The following MAP7 variants were observed in gnomAD, a reference collection of about 807,000 sequenced individuals.
The protein encoded by MAP7 is ensconsin.
MAP7 carries 52 observed loss-of-function variants against 94.8 expected under a neutral mutation model. That is an observed-to-expected ratio of 0.55 (90% confidence interval 0.44 to 0.69). The LOEUF (loss-of-function observed/expected upper bound fraction) is 0.69. Ranked by LOEUF, MAP7 falls within the 30% of genes least tolerant of loss-of-function variation. The pLI is 0.00. For missense variants in MAP7, 940 were observed against 964.6 expected (o/e 0.97, Z 0.34); for synonymous variants, 350 against 357.0 (o/e 0.98, Z 0.22).
chr6:136,421,256 A>C (rs1323870116), intron 2 of MAP7, among the ~76,000 whole-genome samples: 1 of 152,236 alleles, frequency 6.6e-6, no homozygotes, highest in Non-Finnish European at 1.5e-5. Flanking sequence ...ATGTGTAAAG[A>C]TTTCTTGAAA....
chr6:136,469,163 C>T (rs1808129833), intron 1 of MAP7, among the ~76,000 whole-genome samples: 2 of 152,226 alleles, frequency 1.3e-5, no homozygotes, highest in South Asian at 2.1e-4. Context: ...TTAAACTGTA[C>T]ACTGCACAGC....
At chr6:136,392,842 CTT>C (rs1267392134) in intron 3 of MAP7, among the ~76,000 whole-genome samples, 4 of 152,126 alleles carry the variant, frequency 2.6e-5, no homozygotes, top group African/African-American at 9.7e-5. Flanking sequence ...ACTACATAGT[CTT>C]TGAGTTTTAT....
intron 1 of MAP7, among the ~76,000 whole-genome samples, chr6:136,453,813 C>G (rs1801910202): frequency 6.6e-6 from 1 of 152,120 alleles, no homozygotes. Flanking sequence ...ATTTAAAAAG[C>G]AACTGAGTGC....
At chr6:136,525,097 G>A (rs1827455352) in intron 1 of MAP7, among the ~76,000 whole-genome samples, 1 of 152,192 alleles carries the variant, frequency 6.6e-6, no homozygotes, top group African/African-American at 2.4e-5. Flanking sequence ...GTGAGACAAT[G>A]CTGACAATGA....
chr6:136,420,342 C>G (rs1790907021), intron 2 of MAP7: 1 of 666,430 alleles, frequency 1.5e-6, no homozygotes. Flanking sequence ...CCCTGCGTGC[C>G]CAGCCCGGCC....
chr6:136,345,295 T>G (rs780193602), intron 17 of MAP7, among the ~76,000 whole-genome samples: 6 of 152,218 alleles, frequency 3.9e-5, no homozygotes, highest in Non-Finnish European at 7.3e-5. Flanking sequence ...AGTTAAGATC[T>G]TTAGACTCAG....
chr6:136,374,119 A>G (rs577253474), intron 7 of MAP7, among the ~76,000 whole-genome samples: 4 of 152,304 alleles, frequency 2.6e-5, no homozygotes, highest in African/African-American at 9.6e-5. Context: ...TTTCTTCAGG[A>G]CAAACTAAAA....
At chr6:136,379,664 G>A (rs568095730) in intron 6 of MAP7, among the ~76,000 whole-genome samples, 4 of 152,182 alleles carry the variant, frequency 2.6e-5, no homozygotes, top group Non-Finnish European at 5.9e-5. Context: ...AAAACTGTAC[G>A]ATGACTGTGG....
chr6:136,454,323 C>CTATCTATCTATCTATCTATCTATA (rs911885733), intron 1 of MAP7, among the ~76,000 whole-genome samples: 1 of 151,548 alleles, frequency 6.6e-6, no homozygotes, highest in African/African-American at 2.4e-5. Flanking sequence ...ATCTATCTAT[C>CTATCTATCTATCTATCTATCTATA]TGAGACAGGG....
intron 1 of MAP7, among the ~76,000 whole-genome samples, chr6:136,479,503 G>A (rs1210099104): frequency 6.6e-6 from 1 of 152,158 alleles, no homozygotes; most frequent in Non-Finnish European, 1.5e-5. Context: ...GGAAATCCTA[G>A]CTAGAGTAAT....
At position 136,493,121 on chromosome 6, in the gene MAP7, C is replaced by CTTTTTTTTT. The variant is rs397795796; in HGVS notation, c.67+57212_67+57220dup. On this transcript the variant is annotated intron_variant, in intron 1 of 17. Transcript: ENST00000354570. Reference sequence around the variant, plus strand: ...TTTTTTTGTGCTCTTTTCTTCTTTCCTTTTTTTTTTTTTTTTTTTGAGACG... The same window carrying CTTTTTTTTT: ...TTTTTTTGTGCTCTTTTCTTCTTTCCTTTTTTTTTTTTTTTTTTTTTTTTTTTTGAGACG... Among the ~76,000 whole-genome samples, 22 of 123,324 alleles carry CTTTTTTTTT rather than the reference C, an allele frequency of 1.8e-4. 1 individual carries two copies. Among genetic ancestry groups the CTTTTTTTTT allele is most frequent in the African/African-American group, 6.5e-4 (20 of 30,772 alleles). The allele number at this position is 123,324 out of a possible 152,430, so 80.9% of individuals were successfully genotyped here.
intron 7 of MAP7, among the ~76,000 whole-genome samples, chr6:136,377,167 A>T (rs1196244109): frequency 6.6e-6 from 1 of 152,214 alleles, no homozygotes; most frequent in Non-Finnish European, 1.5e-5. Flanking sequence ...AGTTATAACC[A>T]ATCATCATAA....
At chr6:136,365,413 G>T (rs2128581195) in intron 10 of MAP7, among the ~76,000 whole-genome samples, 1 of 152,284 alleles carries the variant, frequency 6.6e-6, no homozygotes, top group African/African-American at 2.4e-5. Flanking sequence ...TGGTTACCCT[G>T]GCAGAGGTGA....
chr6:136,426,605 C>G (rs1793227629), intron 1 of MAP7, among the ~76,000 whole-genome samples: 2 of 152,188 alleles, frequency 1.3e-5, no homozygotes, highest in Non-Finnish European at 2.9e-5. Flanking sequence ...CAGAAAGCAT[C>G]CAGATAAGTG....
At chr6:136,465,286 T>A (rs900214365) in intron 1 of MAP7, among the ~76,000 whole-genome samples, 1 of 152,216 alleles carries the variant, frequency 6.6e-6, no homozygotes, top group Non-Finnish European at 1.5e-5. Flanking sequence ...TCTGGATTTT[T>A]AAAAAATTCT....
At chr6:136,395,561 T>C (rs1782229001) in intron 3 of MAP7, among the ~76,000 whole-genome samples, 1 of 152,176 alleles carries the variant, frequency 6.6e-6, no homozygotes, top group Non-Finnish European at 1.5e-5. Flanking sequence ...TTTGGCTTCA[T>C]GTAATCCTAT....
At chr6:136,499,697 A>G (rs1410823117) in intron 1 of MAP7, among the ~76,000 whole-genome samples, 1 of 152,108 alleles carries the variant, frequency 6.6e-6, no homozygotes, top group South Asian at 2.1e-4. Context: ...AACCTTTTAC[A>G]GTTTTAAAAA....
chr6:136,464,021 G>A (rs187655506), intron 1 of MAP7, among the ~76,000 whole-genome samples: 103 of 152,322 alleles, frequency 6.8e-4, no homozygotes, highest in African/African-American at 2.2e-3. Context: ...CTGCCCTCCT[G>A]CAGTGGCTGA....
intron 1 of MAP7, among the ~76,000 whole-genome samples, chr6:136,478,979 C>CAAAAAAAAAAAAAAAAAAAAAA (rs59319740): frequency 8.8e-4 from 40 of 45,278 alleles, no homozygotes; most frequent in East Asian, 1.6e-3. Context: ...ACAGACACAT[C>CAAAAAAAAAAAAAAAAAAAAAA]AAAAAAAAAA....
Sources: gnomAD v4.1 joint callset for allele counts (sites outside exome capture counted in the v4.1 genomes callset) on GRCh38, gnomAD v4.1.1 for gene constraint, MANE v1.5 for transcripts, NCBI Gene and HGNC (gene_info 2026-07-23, HGNC 2026-07-21) for gene names.